The following UBE2D3 variants were observed in gnomAD, a reference collection of about 807,000 sequenced individuals.
The protein encoded by UBE2D3 is ubiquitin conjugating enzyme E2 D3.
Under a neutral mutation model 22.8 loss-of-function variants are expected in UBE2D3, and 2 were observed. The ratio of observed to expected loss-of-function variants is 0.09; its 90% CI spans 0.04 to 0.28. The LOEUF (loss-of-function observed/expected upper bound fraction) is 0.28. Among genes scored for constraint, UBE2D3 ranks in the 10% least tolerant of loss-of-function variants. UBE2D3 has a pLI of 1.00. For missense variants in UBE2D3, 27 were observed against 182.5 expected (o/e 0.15, Z 4.91); for synonymous variants, 56 against 60.4 (o/e 0.93, Z 0.34).
At chr4:102,825,570 G>A in intron 2 of UBE2D3, 2 of 1,199,352 alleles carry the variant, frequency 1.7e-6, no homozygotes, top group Non-Finnish European at 1.1e-6. Context: ...AAGAAAATGA[G>A]ACTAAACCAC....
Position 102,810,241 on chromosome 4 carries a change from T to C in UBE2D3, c.25-386A>G, listed in dbSNP as rs189025356. 80 of 165,520 alleles carry C rather than the reference T, an allele frequency of 4.8e-4. 1 individual carries two copies. The highest frequency in any genetic ancestry group is 1.8e-3 in the African/African-American group (77 of 41,810). The allele number at this position is 165,520 out of a possible 1,614,324, so 10.3% of individuals were successfully genotyped here. A position where few individuals can be genotyped will look rare whatever the true frequency, so the allele number is the denominator to read the frequency against. On this transcript the variant is annotated intron_variant, in intron 2 of 7. Transcript: ENST00000453744. ...AGGCCCTCAACTGTCTTAAATTCTT[T>C]GTTCTTCCTGAACCATCCTTCCTCC...
chr4:102,860,573 T>C (rs1282329903), intron 1 of UBE2D3, among the ~76,000 whole-genome samples: 2 of 151,930 alleles, frequency 1.3e-5, no homozygotes, highest in Non-Finnish European at 2.9e-5. Flanking sequence ...TCTCAGACCT[T>C]TTCTATGATA....
At chr4:102,860,409 GTGTGTGTGTGTGTA>G (rs1732834936) in intron 1 of UBE2D3, among the ~76,000 whole-genome samples, 7 of 118,096 alleles carry the variant, frequency 5.9e-5, no homozygotes, top group Non-Finnish European at 8.6e-5. Context: ...TTCCTGGTGT[GTGTGTGTGTGTGTA>G]TGTGTGTGTG....
chr4:102,806,805 T>C (rs1727119818), intron 4 of UBE2D3, among the ~76,000 whole-genome samples: 1 of 152,162 alleles, frequency 6.6e-6, no homozygotes, highest in South Asian at 2.1e-4. Flanking sequence ...CAATTCTTGT[T>C]GGAAACTAAC....
At chr4:102,848,921 C>G (rs914823699) in intron 1 of UBE2D3, among the ~76,000 whole-genome samples, 35 of 142,738 alleles carry the variant, frequency 2.5e-4, no homozygotes, top group South Asian at 9.3e-4. Context: ...TTATGTGTGC[C>G]TGTGTGTGTG....
At chr4:102,823,467 A>C (rs1578263263) in intron 2 of UBE2D3, among the ~76,000 whole-genome samples, 1 of 152,220 alleles carries the variant, frequency 6.6e-6, no homozygotes, top group Non-Finnish European at 1.5e-5. Flanking sequence ...TCATATATAA[A>C]CACTAAAGTC....
In UBE2D3 at chr4:102,799,520, T is replaced by C. The variant is rs779816575; in HGVS notation, c.305-20A>G. On this transcript the variant is annotated intron_variant, in intron 6 of 7. Coordinates refer to ENST00000453744, the MANE Select transcript of UBE2D3 (RefSeq NM_181891.3). ...AAAGAACTGCAAGAAAACAAAAACATCTGTTACCCAGTTTCAGGAGTTTGG... is the reference window on the plus strand; with the variant it reads ...AAAGAACTGCAAGAAAACAAAAACACCTGTTACCCAGTTTCAGGAGTTTGG... 6.3e-6 allele frequency: 10 copies of C among 1,582,650 alleles called. No individual in the cohort carries two copies. The African/African-American group carries it at 1.2e-4, about 19-fold the overall frequency.
Position 102,821,493 on chromosome 4 carries a change from C to T in UBE2D3, c.24+4992G>A, listed in dbSNP as rs539678501. On this transcript the variant is annotated intron_variant, in intron 2 of 7. Transcript: ENST00000453744. ...TAATGCAGATTAGGACCTTTACTCCCTTGTATCTGTGGTTCTTAATCAGAG... is the reference window on the plus strand; with the variant it reads ...TAATGCAGATTAGGACCTTTACTCCTTTGTATCTGTGGTTCTTAATCAGAG... Among the ~76,000 whole-genome samples the T allele has an allele frequency of 1.1e-4, 16 of 152,186 alleles. No homozygotes were observed. In the South Asian group the frequency reaches 3.3e-3, roughly 32 times the overall value.
intron 2 of UBE2D3, chr4:102,825,779 G>GTTTT (rs1560873183): frequency 4.3e-6 from 2 of 461,318 alleles, no homozygotes; most frequent in South Asian, 3.1e-5. Context: ...CCAGCCAAAA[G>GTTTT]GAAAAGGGAG....
At chr4:102,825,148 G>C (rs757627191) in intron 2 of UBE2D3, 2 of 643,790 alleles carry the variant, frequency 3.1e-6, no homozygotes, top group African/African-American at 4.0e-5. Flanking sequence ...TGTAGTATCA[G>C]GTCTATTTTA....
chr4:102,809,414 C>A, intron 4 of UBE2D3: 1 of 464,456 alleles, frequency 2.2e-6, no homozygotes, highest in South Asian at 2.4e-5. Flanking sequence ...TGTAGAAAAA[C>A]TGAACTGAGA....
Position 102,826,625 on chromosome 4 carries a change from A to T in UBE2D3, c.-117T>A. Reference sequence around the variant, plus strand: ...TGTCTCGTCTCACACCAGCTCTGCCAGACACAGGCGCCTTTTGCAAAAACG... The same window carrying T: ...TGTCTCGTCTCACACCAGCTCTGCCTGACACAGGCGCCTTTTGCAAAAACG... On this transcript the variant is annotated 5_prime_UTR_variant, in exon 2 of 8. Coordinates refer to ENST00000453744, the MANE Select transcript of UBE2D3 (RefSeq NM_181891.3). The T allele has an allele frequency of 1.9e-6, 3 of 1,582,748 alleles. No homozygotes were observed. The highest frequency in any genetic ancestry group is 2.6e-6 in the Non-Finnish European group (3 of 1,172,286).
chr4:102,853,461 G>A (rs1383015672), intron 1 of UBE2D3, among the ~76,000 whole-genome samples: 1 of 152,058 alleles, frequency 6.6e-6, no homozygotes, highest in African/African-American at 2.4e-5. Context: ...AGTAAAATAA[G>A]TTCTGGCATT....
intron 1 of UBE2D3, among the ~76,000 whole-genome samples, chr4:102,841,968 C>T (rs1484439629): frequency 6.6e-6 from 1 of 152,112 alleles, no homozygotes; most frequent in African/African-American, 2.4e-5. Flanking sequence ...AAGAACTTTT[C>T]AATGGTTTCC....
At chr4:102,830,275 C>G (rs547364175), upstream of UBE2D3, among the ~76,000 whole-genome samples, 1 of 152,280 alleles carries the variant, frequency 6.6e-6, no homozygotes, top group South Asian at 2.1e-4. Context: ...ATTCATTTAA[C>G]TTACTTGAAT....
rs1726651052 is a variant in UBE2D3 at position 102,804,187 on chromosome 4, T to A, written c.121-1549A>T. ...GGGACAAACAAGACGCAGAATATCA[T>A]CTTGCTGTTTGTTGCCCAAGCTCGA... is the stretch of plus-strand genomic sequence containing the variant. On this transcript the variant is annotated intron_variant, in intron 4 of 7. Coordinates refer to ENST00000453744, the MANE Select transcript of UBE2D3 (RefSeq NM_181891.3). Among the ~76,000 whole-genome samples, 4 of 152,146 alleles carry A rather than the reference T, an allele frequency of 2.6e-5. No individual in the cohort carries two copies. The South Asian group carries it at 8.3e-4, about 32-fold the overall frequency.
intron 1 of UBE2D3, among the ~76,000 whole-genome samples, chr4:102,841,988 G>C (rs1234936904): frequency 6.6e-6 from 1 of 152,044 alleles, no homozygotes; most frequent in Non-Finnish European, 1.5e-5. Context: ...CTATTGTATA[G>C]AGGAGAAAAA....
At chr4:102,812,617 C>T (rs540689983) in intron 2 of UBE2D3, 10 of 152,270 alleles carry the variant, frequency 6.6e-5, no homozygotes, top group African/African-American at 2.2e-4. Flanking sequence ...ATGTATGCAC[C>T]AACAGTACAC....
intron 2 of UBE2D3, among the ~76,000 whole-genome samples, chr4:102,824,364 G>A (rs989534516): frequency 6.6e-6 from 1 of 152,308 alleles, no homozygotes; most frequent in East Asian, 1.9e-4. Flanking sequence ...CATGTGCCAA[G>A]AGCCTGTTCA....
Sources: allele counts gnomAD v4.1 joint callset (sites outside exome capture counted in the v4.1 genomes callset), GRCh38; gene constraint gnomAD v4.1.1; transcripts MANE v1.5; gene names NCBI Gene and HGNC (gene_info 2026-07-23, HGNC 2026-07-21).